FARS2: variants seen among roughly 807,000 people sequenced by gnomAD.
The protein encoded by FARS2 is phenylalanyl-tRNA synthetase 2, mitochondrial.
A neutral mutation model predicts 46.4 loss-of-function variants in FARS2; 40 were observed. The ratio of observed to expected loss-of-function variants is 0.86; its 90% confidence interval spans 0.67 to 1.12. FARS2 has a LOEUF of 1.12. Among genes scored for constraint, FARS2 ranks in the 50% most tolerant of loss-of-function variants. FARS2 has a pLI of 0.00. For synonymous variants in FARS2, 234 were observed against 214.9 expected, an observed-to-expected ratio of 1.09 and a Z score of -0.78; for missense variants, 513 against 567.9, an observed-to-expected ratio of 0.90 and a Z score of 0.98.
intron 6 of FARS2, among the ~76,000 whole-genome samples, chr6:5,737,241 A>T (rs142413126): frequency 2.0e-5 from 3 of 152,350 alleles, no homozygotes; most frequent in African/African-American, 7.2e-5. Context: ...GGCTTCAGAA[A>T]TAAGATCCTG....
chr6:5,711,050 T>G (rs1269765935), intron 6 of FARS2, among the ~76,000 whole-genome samples: 3 of 152,076 alleles, frequency 2.0e-5, no homozygotes, highest in Non-Finnish European at 4.4e-5. Flanking sequence ...AAGCCAATAG[T>G]TAATGCAGTA....
At chr6:5,759,518 C>T (rs1762379547) in intron 6 of FARS2, among the ~76,000 whole-genome samples, 1 of 152,102 alleles carries the variant, frequency 6.6e-6, no homozygotes, top group South Asian at 2.1e-4. Context: ...GGTCGGCATT[C>T]ATTTGCTGAA....
At chr6:5,672,109 C>T (rs1026623627) in intron 6 of FARS2, among the ~76,000 whole-genome samples, 11 of 152,132 alleles carry the variant, frequency 7.2e-5, no homozygotes, top group Admixed American at 3.3e-4. Flanking sequence ...AGTCGGTAGC[C>T]GTGGGAACAG....
chr6:5,488,626 G>C lies in FARS2; in HGVS notation c.905-56554G>C, dbSNP rs1464391508. The stretch of plus-strand genomic sequence containing the variant: ...AGATCTCTTTTGTGAAAGAGAATGG[G>C]TTTAATGGAGCATAAGAGTTTAGTT... On this transcript the variant is annotated intron_variant, in intron 4 of 6. Transcript: ENST00000274680. Among the ~76,000 whole-genome samples, 5 of 111,740 alleles carry C rather than the reference G, an allele frequency of 4.5e-5. 1 individual carries two copies. Among genetic ancestry groups the C allele is most frequent in the Non-Finnish European group, 1.0e-4 (5 of 48,150 alleles). The allele number at this position is 111,740 out of a possible 152,430, so 73.3% of individuals were successfully genotyped here. A position where few individuals can be genotyped will look rare whatever the true frequency, so the allele number is the denominator to read the frequency against.
At chr6:5,437,659 C>G (rs747179764) in intron 4 of FARS2, among the ~76,000 whole-genome samples, 1 of 152,046 alleles carries the variant, frequency 6.6e-6, no homozygotes, top group Non-Finnish European at 1.5e-5. Context: ...AATATCCATT[C>G]CTGTCTTGTC....
rs1808462 is a variant in FARS2, at chr6:5,444,498, G to T, written c.904+13326G>T. On this transcript the variant is annotated intron_variant, in intron 4 of 6. Coordinates refer to ENST00000274680, the MANE Select transcript of FARS2 (RefSeq NM_006567.5). ...AAAAAAAAAAAAAAAAAAAAAGAGA[G>T]AGAGAGAGAGAGAGAGGAAAAAATC... 3.4e-4 allele frequency among the ~76,000 whole-genome samples: 36 copies of T among 105,496 alleles called. 2 individuals carry two copies. Among genetic ancestry groups the T allele is most frequent in the African/African-American group, 1.6e-3 (34 of 20,970 alleles). The allele number at this position is 105,496 out of a possible 152,430, so 69.2% of individuals were successfully genotyped here. A position where few individuals can be genotyped will look rare whatever the true frequency, so the allele number is the denominator to read the frequency against.
intron 4 of FARS2, among the ~76,000 whole-genome samples, chr6:5,522,110 A>T (rs1202864723): frequency 1.3e-5 from 2 of 152,174 alleles, no homozygotes; most frequent in African/African-American, 4.8e-5. Flanking sequence ...AATTTAAGTG[A>T]CTTAATTCAT....
chr6:5,267,644 C>T (rs1231212016), intron 1 of FARS2, among the ~76,000 whole-genome samples: 9 of 151,672 alleles, frequency 5.9e-5, no homozygotes, highest in African/African-American at 2.2e-4. Context: ...GTCCCAGCTA[C>T]TCGAGAGGCT....
intron 1 of FARS2, among the ~76,000 whole-genome samples, chr6:5,278,356 G>GA (rs1279133543): frequency 6.6e-6 from 1 of 152,136 alleles, no homozygotes; most frequent in Admixed American, 6.5e-5. Flanking sequence ...TTGTTGCCAC[G>GA]AGTGCTGGGG....
Position 5,297,200 on chromosome 6 carries a change from C to T in FARS2, c.-22+35540C>T, listed in dbSNP as rs576740837. 3.0e-4 allele frequency among the ~76,000 whole-genome samples: 45 copies of T among 152,284 alleles called. 1 individual carries two copies. In the Middle Eastern group the frequency reaches 0.014, roughly 46 times the overall value. Reference sequence around the variant, plus strand: ...GAATTTGACTCCAGAAGCTTACCTCCTGTGACATACAGGTAAGGTGAGGCA... The same window carrying T: ...GAATTTGACTCCAGAAGCTTACCTCTTGTGACATACAGGTAAGGTGAGGCA... On this transcript the variant is annotated intron_variant, in intron 1 of 6. Coordinates refer to ENST00000274680, the MANE Select transcript of FARS2 (RefSeq NM_006567.5).
intron 2 of FARS2, among the ~76,000 whole-genome samples, chr6:5,398,599 G>A (rs371495753): frequency 2.8e-4 from 43 of 152,230 alleles, no homozygotes; most frequent in African/African-American, 1.0e-3. Flanking sequence ...GTATTTAGAA[G>A]CCTAGACCTG....
At chr6:5,622,665 G>A (rs779773406) in intron 6 of FARS2, among the ~76,000 whole-genome samples, 1 of 152,210 alleles carries the variant, frequency 6.6e-6, no homozygotes, top group Non-Finnish European at 1.5e-5. Flanking sequence ...GTGAGGATGA[G>A]TAAGAGGAGC....
rs1470703418 is a variant in FARS2, at chr6:5,771,396, A to C, written c.1323A>C (p.Ala441=). 1.9e-6 allele frequency: 3 copies of C among 1,614,206 alleles called. No homozygotes were observed. Among genetic ancestry groups the C allele is most frequent in the Non-Finnish European group, 2.5e-6 (3 of 1,180,028 alleles). ...TCCACCAGGCCTTGCAGGAGGCTGCAGTCCAGCTGTTGGGTGTGGAGGGCA... is the reference window on the plus strand; with the variant it reads ...TCCACCAGGCCTTGCAGGAGGCTGCCGTCCAGCTGTTGGGTGTGGAGGGCA... ...RHIHQALQEA[A]VQLLGVEGRF Residue 441 remains alanine, a synonymous_variant, in exon 7 of 7, where the codon GCA becomes GCC. Transcript: ENST00000274680.
chr6:5,649,837 T>C (rs1777257601), intron 6 of FARS2, among the ~76,000 whole-genome samples: 1 of 152,184 alleles, frequency 6.6e-6, no homozygotes, highest in Non-Finnish European at 1.5e-5. Context: ...GTTTGGCAGA[T>C]GTGGTCTAGG....
intron 6 of FARS2, among the ~76,000 whole-genome samples, chr6:5,740,341 T>G (rs1761253562): frequency 6.6e-6 from 1 of 152,204 alleles, no homozygotes; most frequent in African/African-American, 2.4e-5. Context: ...AACCTCATTG[T>G]AGAGCAGCCT....
At chr6:5,661,320 A>G (rs980116803) in intron 6 of FARS2, among the ~76,000 whole-genome samples, 5 of 152,208 alleles carry the variant, frequency 3.3e-5, no homozygotes, top group Non-Finnish European at 7.3e-5. Flanking sequence ...AGATAGTTTG[A>G]AACAGTCTGG....
At chr6:5,499,635 T>C (rs1354947626) in intron 4 of FARS2, among the ~76,000 whole-genome samples, 5 of 152,166 alleles carry the variant, frequency 3.3e-5, no homozygotes, top group Admixed American at 3.3e-4. Flanking sequence ...TTCCCTCAAG[T>C]TCCCCGTAGA....
chr6:5,490,292 A>T (rs754393332), intron 4 of FARS2, among the ~76,000 whole-genome samples: 19 of 152,204 alleles, frequency 1.2e-4, no homozygotes, highest in Non-Finnish European at 2.2e-4. Context: ...TTATCCATTA[A>T]TCAGCTGATG....
intron 4 of FARS2, among the ~76,000 whole-genome samples, chr6:5,506,543 G>A (rs1303307712): frequency 1.3e-5 from 2 of 152,160 alleles, no homozygotes; most frequent in Non-Finnish European, 2.9e-5. Flanking sequence ...GTTTTGGTTG[G>A]GATCAGTGCA....
Sources: allele counts gnomAD v4.1 joint callset (sites outside exome capture counted in the v4.1 genomes callset), GRCh38; gene constraint gnomAD v4.1.1; transcripts MANE v1.5; gene names NCBI Gene and HGNC (gene_info 2026-07-23, HGNC 2026-07-21).